SASH1: variants seen among roughly 807,000 people sequenced by gnomAD.
SASH1 encodes the protein SAM and SH3 domain-containing protein 1.
Under a neutral mutation model 125.2 loss-of-function variants are expected in SASH1, and 44 were observed. The ratio of observed to expected loss-of-function variants is 0.35; its 90% CI spans 0.28 to 0.45. The LOEUF is 0.45. Ranked by LOEUF, SASH1 falls within the 20% of genes least tolerant of loss-of-function variation. The probability of loss-of-function intolerance (pLI) is 1.00; values close to 1 mark genes in which losing one functional copy is unlikely to be tolerated. For missense variants in SASH1, 1,426 were observed against 1,614.5 expected (o/e 0.88, Z 2.00); for synonymous variants, 639 against 649.1 (o/e 0.98, Z 0.24).
intron 2 of SASH1, among the ~76,000 whole-genome samples, chr6:148,391,174 A>G (rs369163236): frequency 1.1e-4 from 16 of 149,554 alleles, no homozygotes; most frequent in African/African-American, 3.0e-4. Context: ...CAGTGGCGTG[A>G]TCTGGGCTCA....
chr6:148,528,561 C>T (rs538202233), intron 12 of SASH1, among the ~76,000 whole-genome samples: 17 of 152,202 alleles, frequency 1.1e-4, no homozygotes, highest in Non-Finnish European at 2.4e-4. Flanking sequence ...GCCTGCACAG[C>T]AGCTTCAGTT....
intron 16 of SASH1, among the ~76,000 whole-genome samples, chr6:148,535,739 T>C (rs1781803740): frequency 6.6e-6 from 1 of 152,236 alleles, no homozygotes; most frequent in Admixed American, 6.5e-5. Context: ...ATCAGAAATA[T>C]TCCTGAAATC....
At chr6:148,304,252 C>T (rs1360441392) in intron 1 of SASH1, among the ~76,000 whole-genome samples, 2 of 152,102 alleles carry the variant, frequency 1.3e-5, no homozygotes, top group South Asian at 4.2e-4. Flanking sequence ...TCCTGAGTGA[C>T]ATGGTGAAAC....
intron 4 of SASH1, among the ~76,000 whole-genome samples, chr6:148,457,314 A>G (rs1029168483): frequency 6.6e-6 from 1 of 152,076 alleles, no homozygotes. Context: ...GTAATTAGAG[A>G]CAATGTGGTT....
chr6:148,245,225 A>G, the SASH1 span, among the ~76,000 whole-genome samples: 3,373 of 152,316 alleles, frequency 0.022, 125 homozygotes, highest in African/African-American at 0.077. Context: ...CACGGTTCCC[A>G]AATGATTGTT....
rs1041073420 is a variant in SASH1, at chr6:148,519,682, C to T, written c.998C>T (p.Thr333Ile). The T allele has an allele frequency of 1.9e-6, 3 of 1,614,018 alleles. No individual in the cohort carries two copies. The highest frequency in any genetic ancestry group is 2.7e-5 in the African/African-American group (2 of 74,904). ...KPPEDDSDSL[T>I]TSPSSSSLDT... ...CCCGAAGATGACTCAGACTCTCTCA[C>T]CACGTCTCCATCCTCCAGCAGCCTG... is the stretch of plus-strand genomic sequence containing the variant. Residue 333 changes from threonine to isoleucine, a missense_variant, in exon 10 of 20, where the codon ACC (threonine) becomes ATC (isoleucine). Transcript: ENST00000367467. The surrounding 1 kb of genome is among the most constrained non-coding windows in gnomAD (Gnocchi z 4.8).
In SASH1 at chr6:148,280,402, T is replaced by G. The variant is rs183402650; in HGVS notation, n.74+8025T>G. The G allele has an allele frequency of 1.3e-3, 204 of 152,148 alleles. 1 individual carries two copies. The highest frequency in any genetic ancestry group is 3.1e-4 in the Non-Finnish European group (21 of 68,044). 9.4% of individuals were successfully genotyped at this position (152,148 alleles called of 1,614,324 possible). A position where few individuals can be genotyped will look rare whatever the true frequency, so the allele number is the denominator to read the frequency against. Reference sequence around the variant, plus strand: ...GCCGCAGTCCTGGTCCACAAATGGATATAATAACACTCACCTTGCAGGGAT... The same window carrying G: ...GCCGCAGTCCTGGTCCACAAATGGAGATAATAACACTCACCTTGCAGGGAT... On this transcript the variant is annotated intron_variant and non_coding_transcript_variant, in intron 1 of 3. Transcript: ENST00000367469.
chr6:148,300,270 C>G (rs1779902444), intron 1 of SASH1, among the ~76,000 whole-genome samples: 1 of 151,998 alleles, frequency 6.6e-6, no homozygotes, highest in Non-Finnish European at 1.5e-5. Context: ...TTGGTAAACT[C>G]CAGGTTGGAA....
chr6:148,526,168 A>G (rs1346173637), intron 11 of SASH1, among the ~76,000 whole-genome samples: 1 of 146,652 alleles, frequency 6.8e-6, no homozygotes, highest in Admixed American at 7.2e-5. Flanking sequence ...CAGTTAAGCA[A>G]TTCTCCTGCC....
intron 1 of SASH1, among the ~76,000 whole-genome samples, chr6:148,368,646 A>C (rs1451084017): frequency 6.6e-6 from 1 of 152,192 alleles, no homozygotes; most frequent in East Asian, 1.9e-4. Context: ...GGTGTTGTGC[A>C]TTAATTGAAA....
At chr6:148,251,814 T>C in the SASH1 span, among the ~76,000 whole-genome samples, 4 of 147,282 alleles carry the variant, frequency 2.7e-5, no homozygotes, top group African/African-American at 1.0e-4. Context: ...GTATATCTCC[T>C]AATGCTATCC....
At chr6:148,341,869 A>C (rs1194565763), upstream of SASH1, among the ~76,000 whole-genome samples, 2 of 152,168 alleles carry the variant, frequency 1.3e-5, no homozygotes, top group Non-Finnish European at 2.9e-5. Context: ...ATCGAATGTG[A>C]CGTGCATTGT....
At chr6:148,477,191 A>C (rs929558117) in intron 7 of SASH1, among the ~76,000 whole-genome samples, 2 of 152,254 alleles carry the variant, frequency 1.3e-5, no homozygotes, top group Non-Finnish European at 2.9e-5. Flanking sequence ...AAGTACAGGC[A>C]GCTAAAACAA....
intron 4 of SASH1, among the ~76,000 whole-genome samples, chr6:148,456,032 C>G (rs114623235): frequency 1.3e-5 from 2 of 152,218 alleles, no homozygotes; most frequent in African/African-American, 2.4e-5. Flanking sequence ...GGCTGCACAA[C>G]GGCCTGCGTG....
At chr6:148,206,379 C>G in the SASH1 span, among the ~76,000 whole-genome samples, 1 of 152,142 alleles carries the variant, frequency 6.6e-6, no homozygotes, top group Non-Finnish European at 1.5e-5. Flanking sequence ...TAGTTTTCAT[C>G]TAATATTTTT....
intron 9 of SASH1, among the ~76,000 whole-genome samples, chr6:148,517,530 G>C (rs1264804205): frequency 6.6e-6 from 1 of 152,204 alleles, no homozygotes; most frequent in Non-Finnish European, 1.5e-5. Flanking sequence ...GATGCTCCAA[G>C]TTCAAGCCAT....
intron 2 of SASH1, among the ~76,000 whole-genome samples, chr6:148,410,204 G>A (rs964211207): frequency 7.2e-6 from 1 of 138,942 alleles, no homozygotes; most frequent in Admixed American, 7.6e-5. Context: ...TCCGCCTCCC[G>A]GGTTCAAGCA....
At chr6:148,234,333 T>C in the SASH1 span, among the ~76,000 whole-genome samples, 1 of 152,056 alleles carries the variant, frequency 6.6e-6, no homozygotes. Context: ...CAAAGCTTTT[T>C]TTTTTTAGTT....
chr6:148,365,853 C>T (rs1782427165), intron 1 of SASH1, among the ~76,000 whole-genome samples: 1 of 152,084 alleles, frequency 6.6e-6, no homozygotes, highest in Non-Finnish European at 1.5e-5. Flanking sequence ...TAGCTCGTGC[C>T]TGTAATCCCA....
Sources: allele counts gnomAD v4.1 joint callset (sites outside exome capture counted in the v4.1 genomes callset), GRCh38; gene constraint gnomAD v4.1.1; non-coding constraint Gnocchi (gnomAD v3.1); transcripts MANE v1.5; gene names NCBI Gene and HGNC (gene_info 2026-07-23, HGNC 2026-07-21).